PDE7B: variants seen among roughly 807,000 people sequenced by gnomAD.
The protein encoded by PDE7B is phosphodiesterase 7B, also known as 3',5'-cyclic-AMP phosphodiesterase 7B.
Under a neutral mutation model 56.2 loss-of-function variants are expected in PDE7B, and 29 were observed. That is an observed-to-expected ratio of 0.52 (90% CI 0.38 to 0.70). The LOEUF is 0.70. Among genes scored for constraint, PDE7B ranks in the 30% least tolerant of loss-of-function variants. The pLI is 0.00. For missense variants in PDE7B, 490 were observed against 565.0 expected, an observed-to-expected ratio of 0.87 and a Z score of 1.35; for synonymous variants, 197 against 196.9, an observed-to-expected ratio of 1.00 and a Z score of 0.00.
At chr6:136,097,197 C>T (rs1777483572) in intron 2 of PDE7B, among the ~76,000 whole-genome samples, 2 of 152,156 alleles carry the variant, frequency 1.3e-5, no homozygotes, top group Admixed American at 1.3e-4. Flanking sequence ...AAATTTGTAT[C>T]TCCATCCCAG....
chr6:136,096,958 T>G (rs1777480168), intron 2 of PDE7B, among the ~76,000 whole-genome samples: 1 of 152,132 alleles, frequency 6.6e-6, no homozygotes, highest in Non-Finnish European at 1.5e-5. Context: ...GTTGTGCTTC[T>G]TCCACAAAAT....
Position 136,183,394 on chromosome 6 carries a change from T to C in PDE7B, c.1045+2071T>C, listed in dbSNP as rs377705415. Among the ~76,000 whole-genome samples, 20 of 151,594 alleles carry C rather than the reference T, an allele frequency of 1.3e-4. No homozygotes were observed. In the East Asian group the frequency reaches 1.4e-3, roughly 10 times the overall value. ...GGATCATGAGGTCAGGAGATAGAGATCATCCCGGCTAACACGGTGAAACCC... is the reference window on the plus strand; with the variant it reads ...GGATCATGAGGTCAGGAGATAGAGACCATCCCGGCTAACACGGTGAAACCC... On this transcript the variant is annotated intron_variant, in intron 11 of 12. Transcript: ENST00000308191.
chr6:135,867,798 C>A (rs1485148285), intron 1 of PDE7B, among the ~76,000 whole-genome samples: 1 of 152,140 alleles, frequency 6.6e-6, no homozygotes, highest in East Asian at 1.9e-4. Flanking sequence ...TTAACTTTGG[C>A]ATATTTTTAA....
In PDE7B at chr6:136,058,569, G is replaced by T. The variant is rs79779440; in HGVS notation, c.83-50162G>T. Reference sequence around the variant, plus strand: ...ACTAGTAAGAATTATCTGAGTTTTGGATGTACTATTCATTAGCAGCCCTAG... The same window carrying T: ...ACTAGTAAGAATTATCTGAGTTTTGTATGTACTATTCATTAGCAGCCCTAG... On this transcript the variant is annotated intron_variant, in intron 2 of 12. Coordinates refer to ENST00000308191, the MANE Select transcript of PDE7B (RefSeq NM_018945.4). Among the ~76,000 whole-genome samples, 609 of 152,258 alleles carry T rather than the reference G, an allele frequency of 4.0e-3. 3 individuals are homozygous for T. Among genetic ancestry groups the T allele is most frequent in the African/African-American group, 0.014 (572 of 41,542 alleles).
At chr6:135,962,427 TA>T (rs1239063778) in intron 2 of PDE7B, among the ~76,000 whole-genome samples, 5 of 152,134 alleles carry the variant, frequency 3.3e-5, no homozygotes, top group Admixed American at 6.6e-5. Context: ...AAATTTCGTA[TA>T]AAAAAATTCA....
At chr6:136,063,132 CA>C (rs1179157947) in intron 2 of PDE7B, among the ~76,000 whole-genome samples, 2 of 152,106 alleles carry the variant, frequency 1.3e-5, no homozygotes, top group African/African-American at 4.8e-5. Flanking sequence ...ACCCTGCCTA[CA>C]AAAAACAAGG....
Position 136,020,164 on chromosome 6 carries a change from T to A in PDE7B, c.82+72640T>A, listed in dbSNP as rs1776046557. 2.0e-5 allele frequency among the ~76,000 whole-genome samples: 3 copies of A among 152,220 alleles called. 1 individual carries two copies. The South Asian group carries it at 6.2e-4, about 31-fold the overall frequency. On this transcript the variant is annotated intron_variant, in intron 2 of 12. Transcript: ENST00000308191. ...GCCATAACCAGGTACTGTGACCTCA[T>A]GCCTGGTTTTCTTAGCTCTTGTGAA...
chr6:136,114,142 T>A (rs1583888314), intron 3 of PDE7B, among the ~76,000 whole-genome samples: 1 of 152,214 alleles, frequency 6.6e-6, no homozygotes, highest in Non-Finnish European at 1.5e-5. Flanking sequence ...GTTAATTTGC[T>A]AATCTTGATC....
At chr6:136,126,575 G>A (rs767610448) in intron 3 of PDE7B, among the ~76,000 whole-genome samples, 10 of 152,166 alleles carry the variant, frequency 6.6e-5, no homozygotes, top group Non-Finnish European at 1.5e-4. Context: ...ATTGATGAAT[G>A]GATAAAGAAA....
At chr6:136,126,775 G>A (rs925580578) in intron 3 of PDE7B, among the ~76,000 whole-genome samples, 4 of 152,084 alleles carry the variant, frequency 2.6e-5, no homozygotes, top group African/African-American at 9.7e-5. Context: ...GCGTAAGAAT[G>A]CCACAGTGGA....
chr6:136,149,197 G>A, intron 5 of PDE7B, 47 bp downstream of exon 5: 1 of 1,252,476 alleles, frequency 8.0e-7, no homozygotes, highest in Admixed American at 1.8e-5. Flanking sequence ...CCATAAAGTG[G>A]GATTAATTTC....
intron 1 of PDE7B, among the ~76,000 whole-genome samples, chr6:135,877,955 C>T (rs1220833884): frequency 2.6e-5 from 4 of 152,246 alleles, no homozygotes; most frequent in African/African-American, 9.6e-5. Context: ...GTTACTAGAG[C>T]AGAAGCAGGA....
intron 8 of PDE7B, among the ~76,000 whole-genome samples, chr6:136,164,500 C>T (rs1355717854): frequency 2.0e-5 from 3 of 152,264 alleles, no homozygotes; most frequent in East Asian, 3.9e-4. Flanking sequence ...CTCCCCCATC[C>T]ATCTCATAAA....
chr6:135,968,795 A>G (rs1194629656), intron 2 of PDE7B, among the ~76,000 whole-genome samples: 1 of 152,206 alleles, frequency 6.6e-6, no homozygotes, highest in East Asian at 1.9e-4. Flanking sequence ...TGGGTATATA[A>G]CCAAAAGAAT....
At chr6:135,874,096 G>C (rs1316654541) in intron 1 of PDE7B, among the ~76,000 whole-genome samples, 1 of 152,150 alleles carries the variant, frequency 6.6e-6, no homozygotes, top group Non-Finnish European at 1.5e-5. Context: ...TGCTTGGGAG[G>C]TCTCACTAAG....
intron 2 of PDE7B, among the ~76,000 whole-genome samples, chr6:135,974,842 G>A (rs1209573641): frequency 1.3e-5 from 2 of 152,184 alleles, no homozygotes; most frequent in Non-Finnish European, 2.9e-5. Context: ...AATTCTGTCA[G>A]CATGTCAAGT....
chr6:136,015,265 G>C (rs1390931656), intron 2 of PDE7B, among the ~76,000 whole-genome samples: 1 of 152,218 alleles, frequency 6.6e-6, no homozygotes, highest in Non-Finnish European at 1.5e-5. Context: ...CACTGCGGGG[G>C]TCGGGGGAGA....
At chr6:136,052,195 T>C (rs987848109) in intron 2 of PDE7B, among the ~76,000 whole-genome samples, 2 of 152,052 alleles carry the variant, frequency 1.3e-5, no homozygotes, top group African/African-American at 2.4e-5. Context: ...TAAAGCCATA[T>C]ATAAAAAGTA....
chr6:135,908,726 C>G (rs182989841), intron 1 of PDE7B, among the ~76,000 whole-genome samples: 1 of 152,122 alleles, frequency 6.6e-6, no homozygotes, highest in Admixed American at 6.5e-5. Context: ...GCACAAGTAT[C>G]CAATTTGTTC....
Sources: allele counts gnomAD v4.1 joint callset (sites outside exome capture counted in the v4.1 genomes callset), GRCh38; gene constraint gnomAD v4.1.1; transcripts MANE v1.5; gene names NCBI Gene and HGNC (gene_info 2026-07-23, HGNC 2026-07-21).